The following SLC25A48 variants were observed in gnomAD, a reference collection of about 807,000 sequenced individuals.
The protein encoded by SLC25A48 is CTC-321K16.1.
A neutral mutation model predicts 32.2 loss-of-function variants in SLC25A48; 29 were observed. The ratio of observed to expected loss-of-function variants is 0.90; its 90% CI spans 0.67 to 1.23. SLC25A48 has a LOEUF of 1.23. Among genes scored for constraint, SLC25A48 ranks in the 50% most tolerant of loss-of-function variants. SLC25A48 has a pLI of 0.00. For missense variants in SLC25A48, 399 were observed against 422.7 expected, an observed-to-expected ratio of 0.94 and a Z score of 0.49; for synonymous variants, 164 against 172.3, an observed-to-expected ratio of 0.95 and a Z score of 0.38.
intron 3 of SLC25A48, among the ~76,000 whole-genome samples, chr5:135,695,373 G>C (rs1271399886): frequency 6.6e-6 from 1 of 152,244 alleles, no homozygotes. Context: ...CAAATCTGGT[G>C]CCTGGCACAG....
At chr5:135,652,073 C>T (rs1338266288) in intron 3 of SLC25A48, among the ~76,000 whole-genome samples, 1 of 152,194 alleles carries the variant, frequency 6.6e-6, no homozygotes, top group African/African-American at 2.4e-5. Flanking sequence ...AGTGCTTGCT[C>T]AATGGGACCA....
At chr5:135,710,626 A>G (rs1472639097) in intron 3 of SLC25A48, among the ~76,000 whole-genome samples, 2 of 152,224 alleles carry the variant, frequency 1.3e-5, no homozygotes, top group Non-Finnish European at 2.9e-5. Flanking sequence ...CATATTAATG[A>G]ATGCATTGCA....
intron 1 of SLC25A48, among the ~76,000 whole-genome samples, chr5:135,626,272 T>C (rs1483653999): frequency 2.0e-5 from 3 of 152,358 alleles, no homozygotes; most frequent in Non-Finnish European, 4.4e-5. Context: ...GTATAAACAA[T>C]GTTTTTCCAC....
At chr5:135,882,882 T>C (rs1453141197) in intron 7 of SLC25A48, among the ~76,000 whole-genome samples, 6 of 152,246 alleles carry the variant, frequency 3.9e-5, no homozygotes, top group Non-Finnish European at 7.3e-5. Flanking sequence ...CATAGTGCTC[T>C]TATGATACCT....
At chr5:135,806,483 A>G (rs966010103) in intron 3 of SLC25A48, among the ~76,000 whole-genome samples, 12 of 151,516 alleles carry the variant, frequency 7.9e-5, no homozygotes, top group Non-Finnish European at 1.6e-4. Context: ...TATAAATATC[A>G]AAGATATTTT....
upstream of SLC25A48, among the ~76,000 whole-genome samples, chr5:135,832,346 T>G (rs982119800): frequency 2.0e-5 from 3 of 152,106 alleles, no homozygotes; most frequent in African/African-American, 7.2e-5. Flanking sequence ...GGCAGGAATC[T>G]GGAAGCAGAG....
chr5:135,749,704 G>C (rs1216187295), intron 3 of SLC25A48, among the ~76,000 whole-genome samples: 1 of 152,104 alleles, frequency 6.6e-6, no homozygotes, highest in African/African-American at 2.4e-5. Context: ...CGATTCTCCT[G>C]TCTCAGCTTC....
chr5:135,638,595 T>C (rs1465758609), intron 3 of SLC25A48, among the ~76,000 whole-genome samples: 2 of 152,218 alleles, frequency 1.3e-5, no homozygotes, highest in Admixed American at 6.5e-5. Context: ...ACTTAAGTCA[T>C]GCTACTAAAG....
chr5:135,652,960 T>G (rs1753152100), intron 3 of SLC25A48, among the ~76,000 whole-genome samples: 1 of 152,164 alleles, frequency 6.6e-6, no homozygotes, highest in Admixed American at 6.5e-5. Context: ...TCATGAGGCC[T>G]CCACCTTAAT....
intron 3 of SLC25A48, chr5:135,649,357 AG>A (rs1753049090): frequency 6.6e-6 from 1 of 152,216 alleles, no homozygotes; most frequent in African/African-American, 2.4e-5. Flanking sequence ...TGAGTCTATA[AG>A]GCTTTATTGT....
chr5:135,668,445 C>T (rs991137290), intron 3 of SLC25A48, among the ~76,000 whole-genome samples: 1 of 152,198 alleles, frequency 6.6e-6, no homozygotes, highest in Non-Finnish European at 1.5e-5. Context: ...GCTCTGGCTA[C>T]ATCCTGTTGT....
chr5:135,765,523 T>C (rs573213525), intron 3 of SLC25A48, among the ~76,000 whole-genome samples: 1 of 151,140 alleles, frequency 6.6e-6, no homozygotes, highest in South Asian at 2.1e-4. Context: ...TTACACCCCA[T>C]ATTGCTGGGG....
intron 3 of SLC25A48, among the ~76,000 whole-genome samples, chr5:135,773,122 A>G (rs1223879669): frequency 6.6e-6 from 1 of 151,102 alleles, no homozygotes; most frequent in Non-Finnish European, 1.5e-5. Context: ...ATCCCCTGTG[A>G]TATTGTTTTG....
At chr5:135,624,522 T>G (rs549998704) in intron 1 of SLC25A48, among the ~76,000 whole-genome samples, 79 of 149,694 alleles carry the variant, frequency 5.3e-4, no homozygotes, top group South Asian at 4.9e-3. Context: ...GCAGAAAAAT[T>G]GCAACAATGG....
At chr5:135,842,072 C>G (rs1759048083) in intron 1 of SLC25A48, among the ~76,000 whole-genome samples, 3 of 152,156 alleles carry the variant, frequency 2.0e-5, no homozygotes, top group African/African-American at 7.2e-5. Context: ...GTTTAAGAAT[C>G]TTATAGTTTT....
chr5:135,746,480 G>T, intron 3 of SLC25A48: 1 of 233,652 alleles, frequency 4.3e-6, no homozygotes, highest in Non-Finnish European at 8.3e-6. Context: ...TGCCTTTGTG[G>T]TCACCGGAAC....
intron 1 of SLC25A48, among the ~76,000 whole-genome samples, chr5:135,582,366 G>A (rs1397371725): frequency 6.6e-6 from 1 of 152,172 alleles, no homozygotes; most frequent in Non-Finnish European, 1.5e-5. Flanking sequence ...ACAGAGATCA[G>A]TGTGAAACTC....
intron 3 of SLC25A48, among the ~76,000 whole-genome samples, chr5:135,777,404 T>C (rs1256144199): frequency 2.0e-5 from 3 of 150,766 alleles, no homozygotes; most frequent in Non-Finnish European, 4.4e-5. Flanking sequence ...GATTTTTTAT[T>C]ATATCCAGAG....
chr5:135,609,477 G>T (rs1191854799), intron 1 of SLC25A48: 1 of 152,230 alleles, frequency 6.6e-6, no homozygotes, highest in African/African-American at 2.4e-5. Flanking sequence ...ATACATACAG[G>T]TGCCTGAGTG....
Sources: allele counts gnomAD v4.1 joint callset (sites outside exome capture counted in the v4.1 genomes callset), GRCh38; gene constraint gnomAD v4.1.1; transcripts MANE v1.5; gene names NCBI Gene and HGNC (gene_info 2026-07-23, HGNC 2026-07-21).